The following CELF2 variants were observed in gnomAD, a reference collection of about 807,000 sequenced individuals.
CELF2 encodes the protein CUGBP Elav-like family member 2.
In CELF2, 8 loss-of-function variants were observed where a neutral mutation model predicts 62.6. The observed-to-expected ratio is 0.13, with a 90% CI of 0.07 to 0.23. The LOEUF (loss-of-function observed/expected upper bound fraction) is 0.23, where lower values mean the gene tolerates loss of function less well. CELF2 is among the 10% of genes least tolerant of loss of function. The pLI, the probability that CELF2 is intolerant of heterozygous loss-of-function variation, is 1.00. For missense variants in CELF2, 333 were observed against 671.0 expected, an observed-to-expected ratio of 0.50 and a Z score of 5.56; for synonymous variants, 258 against 250.0, an observed-to-expected ratio of 1.03 and a Z score of -0.30.
intron 1 of CELF2, among the ~76,000 whole-genome samples, chr10:11,087,629 C>T (rs1233122064): frequency 1.3e-5 from 2 of 152,232 alleles, no homozygotes; most frequent in Admixed American, 6.5e-5. Flanking sequence ...ACATTTATGA[C>T]AGGATTTGAC....
At chr10:11,266,352 C>A (rs959623317) in intron 5 of CELF2, among the ~76,000 whole-genome samples, 1 of 152,058 alleles carries the variant, frequency 6.6e-6, no homozygotes, top group Non-Finnish European at 1.5e-5. Flanking sequence ...CCCCTAGTTT[C>A]CATTTAAAAA....
intron 8 of CELF2, among the ~76,000 whole-genome samples, chr10:11,279,949 GC>G (rs1271904702): frequency 6.6e-6 from 1 of 152,068 alleles, no homozygotes; most frequent in Non-Finnish European, 1.5e-5. Flanking sequence ...CCAGTTTATT[GC>G]CCCTGGTTCG....
At chr10:10,469,926 A>G in the CELF2 span, among the ~76,000 whole-genome samples, 1 of 151,910 alleles carries the variant, frequency 6.6e-6, no homozygotes, top group South Asian at 2.1e-4. Flanking sequence ...TCCCAAGTAC[A>G]GGTTGAGCAT....
At chr10:10,583,871 A>C in the CELF2 span, among the ~76,000 whole-genome samples, 14 of 152,302 alleles carry the variant, frequency 9.2e-5, no homozygotes, top group African/African-American at 3.1e-4. Flanking sequence ...TCAAATGTGC[A>C]ACCTTGAGAG....
chr10:11,194,547 A>G (rs1200920493), intron 2 of CELF2, among the ~76,000 whole-genome samples: 1 of 152,200 alleles, frequency 6.6e-6, no homozygotes, highest in Non-Finnish European at 1.5e-5. Context: ...GGGTCCACAC[A>G]TTGACCACTG....
the CELF2 span, among the ~76,000 whole-genome samples, chr10:10,529,964 C>T: frequency 6.6e-6 from 1 of 152,266 alleles, no homozygotes; most frequent in South Asian, 2.1e-4. Context: ...AGAAGCTGAA[C>T]AGTTTCTGCA....
chr10:11,265,772 G>T (rs2082042868), intron 5 of CELF2, among the ~76,000 whole-genome samples: 1 of 152,238 alleles, frequency 6.6e-6, no homozygotes, highest in Non-Finnish European at 1.5e-5. Flanking sequence ...GGCACGGAAA[G>T]TTTCACTGGT....
the CELF2 span, among the ~76,000 whole-genome samples, chr10:10,727,401 A>G: frequency 7.2e-5 from 11 of 152,178 alleles, no homozygotes; most frequent in African/African-American, 2.7e-4. Context: ...TTCACTTTAT[A>G]TTGATACGGA....
Position 11,220,043 on chromosome 10 carries a change from G to T in CELF2, c.354+2536G>T, listed in dbSNP as rs1200469670. The stretch of plus-strand genomic sequence containing the variant: ...TAATAAGAAATTAATGATGCACTTT[G>T]CCATATGCCTTCAATTTCTTTCTGA... On this transcript the variant is annotated intron_variant, in intron 3 of 12. Coordinates refer to ENST00000633077, the MANE Select transcript of CELF2 (RefSeq NM_001326342.2). The surrounding 1 kb of genome is among the most constrained non-coding windows in gnomAD (Gnocchi z 4.4). Among the ~76,000 whole-genome samples, 6 of 152,156 alleles carry T rather than the reference G, an allele frequency of 3.9e-5. No homozygotes were observed. Among genetic ancestry groups the T allele is most frequent in the Admixed American group, 3.3e-4 (5 of 15,272 alleles).
At chr10:11,101,354 A>G (rs910958744) in intron 1 of CELF2, among the ~76,000 whole-genome samples, 33 of 152,234 alleles carry the variant, frequency 2.2e-4, no homozygotes, top group Non-Finnish European at 3.7e-4. Context: ...GAACATGTAA[A>G]TGGTGACTGT....
chr10:10,809,153 C>T (rs923091391), intron 1 of CELF2, among the ~76,000 whole-genome samples: 16 of 152,288 alleles, frequency 1.1e-4, no homozygotes, highest in Admixed American at 5.9e-4. Flanking sequence ...ATAGCTCACT[C>T]GTGCTTGTGC....
rs763460239 is a variant in CELF2, at chr10:11,110,903, A to C, written c.75-54583A>C. 7.2e-5 allele frequency among the ~76,000 whole-genome samples: 11 copies of C among 152,192 alleles called. No individual in the cohort carries two copies. Among genetic ancestry groups the C allele is most frequent in the Non-Finnish European group, 1.6e-4 (11 of 68,032 alleles). ...AAAGCCCTTGGAAACGCAGCACTGC[A>C]ATGAGCATTTTATTGAATTCTTTCA... is the stretch of plus-strand genomic sequence containing the variant. On this transcript the variant is annotated intron_variant, in intron 1 of 12. Coordinates refer to ENST00000633077, the MANE Select transcript of CELF2 (RefSeq NM_001326342.2). The surrounding 1 kb of genome is among the most constrained non-coding windows in gnomAD (Gnocchi z 4.0).
chr10:10,581,980 A>G, the CELF2 span, among the ~76,000 whole-genome samples: 1 of 152,152 alleles, frequency 6.6e-6, no homozygotes, highest in Non-Finnish European at 1.5e-5. Context: ...GTGAGCTGAG[A>G]TCGTGCCACT....
rs984044090 is a variant in CELF2, at chr10:11,244,887, C to T, written c.355-4266C>T. On this transcript the variant is annotated intron_variant, in intron 3 of 12. Transcript: ENST00000633077. The surrounding 1 kb of genome is among the most constrained non-coding windows in gnomAD (Gnocchi z 4.2). ...GCTTCATCTGAGACGCCTTCCCCAG[C>T]GTGTCCTTCCTCCATCTGTGTCTGG... is the stretch of plus-strand genomic sequence containing the variant. Among the ~76,000 whole-genome samples the T allele has an allele frequency of 5.0e-4, 76 of 152,152 alleles. No homozygotes were observed. The highest frequency in any genetic ancestry group is 1.8e-3 in the African/African-American group (74 of 41,428).
Position 10,936,724 on chromosome 10 carries a change from A to G in CELF2, c.89+16725A>G, listed in dbSNP as rs975802966. 1.3e-5 allele frequency: 2 copies of G among 152,228 alleles called. No homozygotes were observed. The highest frequency in any genetic ancestry group is 2.9e-5 in the Non-Finnish European group (2 of 68,044). The allele number at this position is 152,228 out of a possible 1,614,324, so 9.4% of individuals were successfully genotyped here. On this transcript the variant is annotated intron_variant, in intron 2 of 13. Coordinates refer to the CELF2 transcript ENST00000636488. The surrounding 1 kb of genome is among the most constrained non-coding windows in gnomAD (Gnocchi z 4.0). ...CATAACCTTGTTCTGGTGCTGAAAC[A>G]AGCAAAAGCAAAGTGCTGAAACAAG... is the stretch of plus-strand genomic sequence containing the variant.
At chr10:10,799,937 A>G (rs2054490063) in intron 1 of CELF2, among the ~76,000 whole-genome samples, 1 of 152,344 alleles carries the variant, frequency 6.6e-6, no homozygotes, top group African/African-American at 2.4e-5. Flanking sequence ...TACCTTCCCC[A>G]AAACATGGCT....
the CELF2 span, among the ~76,000 whole-genome samples, chr10:10,739,580 G>A: frequency 2.0e-5 from 3 of 152,026 alleles, no homozygotes; most frequent in East Asian, 1.9e-4. Context: ...GAAAATTAAC[G>A]TTCATAAAAT....
At chr10:10,672,388 A>G in the CELF2 span, among the ~76,000 whole-genome samples, 1 of 151,560 alleles carries the variant, frequency 6.6e-6, no homozygotes, top group Non-Finnish European at 1.5e-5. Context: ...ATTTTCTTCT[A>G]TGTTACCTTC....
chr10:10,746,191 G>C, the CELF2 span, among the ~76,000 whole-genome samples: 5 of 152,132 alleles, frequency 3.3e-5, no homozygotes, highest in Non-Finnish European at 7.4e-5. Context: ...CTTGTAGCAG[G>C]ATTTGTTATT....
Sources: allele counts gnomAD v4.1 joint callset (sites outside exome capture counted in the v4.1 genomes callset), GRCh38; gene constraint gnomAD v4.1.1; non-coding constraint Gnocchi (gnomAD v3.1); transcripts MANE v1.5; gene names NCBI Gene and HGNC (gene_info 2026-07-23, HGNC 2026-07-21).